The following CREB5 variants were observed in gnomAD, a reference collection of about 807,000 sequenced individuals.
CREB5 encodes cAMP responsive element binding protein 5.
A neutral mutation model predicts 57.1 loss-of-function variants in CREB5; 19 were observed. That is an observed-to-expected ratio of 0.33 (90% CI 0.23 to 0.49). The LOEUF is 0.49. Ranked by LOEUF, CREB5 falls within the 20% of genes least tolerant of loss-of-function variation. The pLI is 0.99. For missense variants in CREB5, 579 were observed against 671.6 expected, an observed-to-expected ratio of 0.86 and a Z score of 1.52; for synonymous variants, 238 against 238.3, an observed-to-expected ratio of 1.00 and a Z score of 0.01.
intron 5 of CREB5, among the ~76,000 whole-genome samples, chr7:28,633,775 A>C (rs1798298557): frequency 6.6e-6 from 1 of 152,182 alleles, no homozygotes. Flanking sequence ...AGACATAAAG[A>C]CAGAGGTAGT....
At chr7:28,418,174 C>A (rs1004451344) in intron 1 of CREB5, among the ~76,000 whole-genome samples, 2 of 152,148 alleles carry the variant, frequency 1.3e-5, no homozygotes, top group Non-Finnish European at 2.9e-5. Flanking sequence ...ATTGCCTAGA[C>A]CAGATTTTCT....
At chr7:28,526,209 T>G (rs919118421) in intron 4 of CREB5, among the ~76,000 whole-genome samples, 2 of 152,228 alleles carry the variant, frequency 1.3e-5, no homozygotes, top group African/African-American at 4.8e-5. Context: ...GGAAATAATC[T>G]TTCTGTTGTT....
rs565982178 is a variant in CREB5 at position 28,708,220 on chromosome 7, G to A, written c.465-10533G>A. The stretch of plus-strand genomic sequence containing the variant: ...GGAGAATAAGTGATCCTCTCAGCAC[G>A]CTATCACTTTATCATTAAGAATAGA... On this transcript the variant is annotated intron_variant, in intron 5 of 10. Coordinates refer to ENST00000357727, the MANE Select transcript of CREB5 (RefSeq NM_182898.4). Among the ~76,000 whole-genome samples the A allele has an allele frequency of 9.9e-4, 150 of 152,262 alleles. 1 individual carries two copies. The highest frequency in any genetic ancestry group is 3.6e-3 in the African/African-American group (149 of 41,560).
intron 1 of CREB5, among the ~76,000 whole-genome samples, chr7:28,333,986 T>C (rs1293810402): frequency 6.6e-6 from 1 of 152,216 alleles, no homozygotes; most frequent in Non-Finnish European, 1.5e-5. Context: ...TTGTTCATAG[T>C]GGTTTTACTA....
At chr7:28,567,213 A>G (rs1400009056) in intron 4 of CREB5, among the ~76,000 whole-genome samples, 1 of 152,188 alleles carries the variant, frequency 6.6e-6, no homozygotes, top group Non-Finnish European at 1.5e-5. Flanking sequence ...TTTACTATAT[A>G]TTCAAGGCTT....
At chr7:28,770,266 G>C (rs568900041) in intron 7 of CREB5, among the ~76,000 whole-genome samples, 1 of 152,266 alleles carries the variant, frequency 6.6e-6, no homozygotes, top group East Asian at 1.9e-4. Context: ...CCACTTGGAG[G>C]AACAAGCTCA....
At chr7:28,585,583 T>C (rs1796275870) in intron 5 of CREB5, among the ~76,000 whole-genome samples, 1 of 152,234 alleles carries the variant, frequency 6.6e-6, no homozygotes, top group Admixed American at 6.5e-5. Context: ...TTTGATCTGT[T>C]AACTTTTCCT....
At chr7:28,794,141 G>A (rs1279397345) in intron 7 of CREB5, among the ~76,000 whole-genome samples, 1 of 152,154 alleles carries the variant, frequency 6.6e-6, no homozygotes, top group Non-Finnish European at 1.5e-5. Context: ...TACTGCCTGT[G>A]TTTCTGATTA....
Position 28,776,064 on chromosome 7 carries a change from G to T in CREB5, c.703-28135G>T, listed in dbSNP as rs139731038. Among the ~76,000 whole-genome samples, 213 of 152,074 alleles carry T rather than the reference G, an allele frequency of 1.4e-3. 3 individuals carry two copies. In the South Asian group the frequency reaches 0.02, roughly 14 times the overall value. ...TAGAAAGTTAAGCGTGCGGCTGGGCGCAGTGGCTCACGCCTGTAATCTCAG... is the reference window on the plus strand; with the variant it reads ...TAGAAAGTTAAGCGTGCGGCTGGGCTCAGTGGCTCACGCCTGTAATCTCAG... On this transcript the variant is annotated intron_variant, in intron 7 of 10. Coordinates refer to ENST00000357727, the MANE Select transcript of CREB5 (RefSeq NM_182898.4).
chr7:28,753,459 C>T (rs1805100538), intron 7 of CREB5, among the ~76,000 whole-genome samples: 1 of 152,134 alleles, frequency 6.6e-6, no homozygotes, highest in Admixed American at 6.5e-5. Flanking sequence ...AGAATCATGA[C>T]TGATATTTAT....
intron 5 of CREB5, among the ~76,000 whole-genome samples, chr7:28,685,685 A>C (rs1210988360): frequency 7.1e-6 from 1 of 140,532 alleles, no homozygotes; most frequent in African/African-American, 2.7e-5. Flanking sequence ...TTTTTTTTTA[A>C]CCAGTATTTT....
intron 7 of CREB5, among the ~76,000 whole-genome samples, chr7:28,781,770 A>C (rs1806986583): frequency 1.1e-5 from 1 of 92,882 alleles, no homozygotes; most frequent in Non-Finnish European, 2.3e-5. Context: ...TGGTACAAAA[A>C]TTGATTTTTT....
At chr7:28,772,194 G>C (rs1282782489) in intron 7 of CREB5, among the ~76,000 whole-genome samples, 1 of 152,204 alleles carries the variant, frequency 6.6e-6, no homozygotes, top group Non-Finnish European at 1.5e-5. Context: ...TCTCTTTAGA[G>C]AGACTCTGCT....
intron 7 of CREB5, among the ~76,000 whole-genome samples, chr7:28,798,799 A>G (rs1264556667): frequency 6.6e-6 from 1 of 152,220 alleles, no homozygotes; most frequent in Non-Finnish European, 1.5e-5. Flanking sequence ...CAGTCATGTC[A>G]GTAATAGCCC....
chr7:28,306,736 A>G lies in CREB5; in HGVS notation c.-25+7295A>G, dbSNP rs568430708. On this transcript the variant is annotated intron_variant, in intron 1 of 9. Transcript: ENST00000396299. ...CCACTATGCCCGGCTAATTTTTTGT[A>G]TTTTTTAGTAGAGACGGGGTTTCAC... Among the ~76,000 whole-genome samples the G allele has an allele frequency of 2.0e-5, 3 of 151,482 alleles. No homozygotes were observed. The South Asian group carries it at 6.3e-4, about 32-fold the overall frequency.
intron 7 of CREB5, among the ~76,000 whole-genome samples, chr7:28,799,027 A>ATGAT (rs1310451309): frequency 6.6e-6 from 1 of 152,202 alleles, no homozygotes; most frequent in Non-Finnish European, 1.5e-5. Flanking sequence ...GGAGATTTGA[A>ATGAT]TGATTTACAG....
chr7:28,410,275 C>T (rs1787723649), upstream of CREB5: 1 of 456,090 alleles, frequency 2.2e-6, no homozygotes. Flanking sequence ...CGCCTCCTGC[C>T]TCCGCTGCTT....
intron 7 of CREB5, among the ~76,000 whole-genome samples, chr7:28,731,253 T>G (rs1803610480): frequency 6.6e-6 from 1 of 152,208 alleles, no homozygotes; most frequent in Non-Finnish European, 1.5e-5. Flanking sequence ...TAGGAATATA[T>G]CATGTCATCT....
intron 4 of CREB5, among the ~76,000 whole-genome samples, chr7:28,514,287 T>C (rs1198795600): frequency 6.6e-6 from 1 of 152,226 alleles, no homozygotes; most frequent in Non-Finnish European, 1.5e-5. Context: ...GGGGAGGTGG[T>C]TGTGACAGTA....
Sources: gnomAD v4.1 joint callset for allele counts (sites outside exome capture counted in the v4.1 genomes callset) on GRCh38, gnomAD v4.1.1 for gene constraint, MANE v1.5 for transcripts, NCBI Gene and HGNC (gene_info 2026-07-23, HGNC 2026-07-21) for gene names.